The following RLF variants were observed in gnomAD, a reference collection of about 807,000 sequenced individuals.
The protein encoded by RLF is RLF zinc finger, also known as zinc finger protein Rlf.
RLF carries 7 observed loss-of-function variants against 162.9 expected under a neutral mutation model. That is an observed-to-expected ratio of 0.04 (90% CI 0.02 to 0.08). RLF has a LOEUF of 0.08. Among genes scored for constraint, RLF ranks in the 10% least tolerant of loss-of-function variants. The probability of loss-of-function intolerance (pLI) is 1.00; values close to 1 mark genes in which losing one functional copy is unlikely to be tolerated. For missense variants in RLF, 1,664 were observed against 2,244.7 expected (o/e 0.74, Z 5.23); for synonymous variants, 782 against 791.5 (o/e 0.99, Z 0.20).
intron 5 of RLF, among the ~76,000 whole-genome samples, chr1:40,209,979 C>G (rs1264741516): frequency 6.6e-6 from 1 of 151,654 alleles, no homozygotes; most frequent in Non-Finnish European, 1.5e-5. Flanking sequence ...GATTGCTTAC[C>G]TCTAATAGCA....
rs1643215149 is a variant in RLF, at chr1:40,236,176, G to C, written c.1474G>C (p.Asp492His). 6.2e-7 allele frequency: 1 copy of C among 1,613,650 alleles called. No homozygotes were observed. Among genetic ancestry groups the C allele is most frequent in the Non-Finnish European group, 8.5e-7 (1 of 1,179,908 alleles). ...LLGQEASDSD[D>H]DLSGYEMSIN... ...AGGACAAGAAGCCTCAGATTCTGAT[G>C]ATGATTTAAGTGGCTATGAAATGTC... is the stretch of plus-strand genomic sequence containing the variant. Residue 492 changes from aspartate to histidine, a missense_variant, in exon 8 of 8, where the codon GAT becomes CAT. Around this residue, in one of 15 missense-constraint regions of RLF, gnomAD observed 54 missense variants for 71.7 expected, o/e 0.75. Transcript: ENST00000372771. The surrounding 1 kb of genome is among the most constrained non-coding windows in gnomAD (Gnocchi z 7.7).
intron 5 of RLF, among the ~76,000 whole-genome samples, chr1:40,217,752 A>G (rs1014942241): frequency 6.6e-6 from 1 of 152,180 alleles, no homozygotes; most frequent in Non-Finnish European, 1.5e-5. Flanking sequence ...AGCCTGGGCA[A>G]CAGAGCAATC....
intron 1 of RLF, among the ~76,000 whole-genome samples, chr1:40,177,572 C>T (rs576589609): frequency 6.1e-4 from 92 of 152,064 alleles, no homozygotes; most frequent in Non-Finnish European, 9.4e-4. Context: ...GGATTACAGG[C>T]GTGAGCCACT....
At chr1:40,217,508 A>G (rs1642939934) in intron 5 of RLF, among the ~76,000 whole-genome samples, 2 of 151,834 alleles carry the variant, frequency 1.3e-5, no homozygotes, top group Non-Finnish European at 2.9e-5. Context: ...GCAGTGGCTC[A>G]CTCCAGTAAT....
intron 3 of RLF, among the ~76,000 whole-genome samples, chr1:40,193,127 C>CAAAAAA (rs76035508): frequency 3.1e-5 from 2 of 65,164 alleles, no homozygotes; most frequent in Non-Finnish European, 6.4e-5. Flanking sequence ...GTGGTCTTAG[C>CAAAAAA]AAAAAAAAAA....
chr1:40,224,843 C>T (rs1361318186), intron 6 of RLF, among the ~76,000 whole-genome samples: 6 of 151,010 alleles, frequency 4.0e-5, no homozygotes, highest in Admixed American at 6.6e-5. Flanking sequence ...AAAAATTAGC[C>T]GGGCATTTTG....
intron 3 of RLF, among the ~76,000 whole-genome samples, chr1:40,191,913 C>A (rs1642565292): frequency 6.6e-6 from 1 of 152,168 alleles, no homozygotes; most frequent in Non-Finnish European, 1.5e-5. Flanking sequence ...TTAGCTTGGA[C>A]AAAGTTACAC....
chr1:40,188,904 A>G, intron 1 of RLF, 151 bp from the exon 2 acceptor site: 1 of 485,030 alleles, frequency 2.1e-6, no homozygotes, highest in South Asian at 3.6e-5. Context: ...TGAAAATAGA[A>G]GCTTCTAAAC....
intron 1 of RLF, among the ~76,000 whole-genome samples, chr1:40,163,438 A>G (rs1369582587): frequency 6.6e-6 from 1 of 152,230 alleles, no homozygotes; most frequent in Non-Finnish European, 1.5e-5. Flanking sequence ...GAAGCTTGTC[A>G]AAGGATCACA....
chr1:40,198,301 C>CTTTTTT (rs34816285), intron 4 of RLF, among the ~76,000 whole-genome samples: 6 of 123,806 alleles, frequency 4.8e-5, no homozygotes, highest in Non-Finnish European at 8.2e-5. Context: ...CGCCCGGCCT[C>CTTTTTT]TTTTTTTTTT....
chr1:40,225,051 C>A (rs1407522188), intron 6 of RLF, among the ~76,000 whole-genome samples: 1 of 151,864 alleles, frequency 6.6e-6, no homozygotes, highest in Admixed American at 6.6e-5. Context: ...TGAGATAGAT[C>A]TTTTGTTATG....
At chr1:40,233,954 T>C (rs778559671) in intron 7 of RLF, among the ~76,000 whole-genome samples, 4 of 152,160 alleles carry the variant, frequency 2.6e-5, no homozygotes, top group Non-Finnish European at 5.9e-5. Context: ...AGGCCAAATA[T>C]CTTCTTTTTT....
At chr1:40,184,494 G>A (rs1449549221) in intron 1 of RLF, among the ~76,000 whole-genome samples, 1 of 152,224 alleles carries the variant, frequency 6.6e-6, no homozygotes, top group Non-Finnish European at 1.5e-5. Flanking sequence ...CTGAAAGGAG[G>A]CAGATGGAAC....
rs1369201970 is a variant in RLF at position 40,240,391 on chromosome 1, A to G, written c.5689A>G (p.Ile1897Val). The G allele has an allele frequency of 6.2e-7, 1 of 1,613,992 alleles. No individual in the cohort carries two copies. Residue 1897 changes from isoleucine to valine, a missense_variant, in exon 8 of 8, where the codon ATT becomes GTT. Physicochemically the swap from Ile to Val is conservative, Grantham distance 29. Around this residue, in one of 15 missense-constraint regions of RLF, gnomAD observed 27 missense variants for 52.5 expected, o/e 0.51. Coordinates refer to ENST00000372771, the MANE Select transcript of RLF (RefSeq NM_012421.4). ...VLERSKFSTP[I>V]LDLFPTKKTD... ...TGAAAGATCTAAGTTTTCCACACCAATTTTAGACTTATTTCCAACAAAAAA... is the reference window on the plus strand; with the variant it reads ...TGAAAGATCTAAGTTTTCCACACCAGTTTTAGACTTATTTCCAACAAAAAA...
chr1:40,188,292 A>G (rs996115872), intron 1 of RLF, among the ~76,000 whole-genome samples: 1 of 152,198 alleles, frequency 6.6e-6, no homozygotes, highest in Non-Finnish European at 1.5e-5. Flanking sequence ...ATTTTTAGTG[A>G]TAGGACACAT....
At position 40,239,481 on chromosome 1, in the gene RLF, G is replaced by T. The variant is rs746451103; in HGVS notation, c.4779G>T (p.Lys1593Asn). 48 of 1,613,878 alleles carry T rather than the reference G, an allele frequency of 3.0e-5. No homozygotes were observed. The highest frequency in any genetic ancestry group is 3.6e-5 in the Non-Finnish European group (42 of 1,180,046). The change falls in exon 8 of 8, where the codon AAG (lysine) becomes AAT (asparagine). Residue 1593 changes from lysine to asparagine, a missense_variant. Physicochemically the swap from Lys to Asn is moderately conservative, Grantham distance 94. This residue lies in a region of RLF where 327 missense variants were observed against 342.7 expected (regional missense o/e 0.95). Coordinates refer to ENST00000372771, the MANE Select transcript of RLF (RefSeq NM_012421.4). ...QQMENLVVCVKYGTKIKEEPP... is the reference protein window; with the variant it reads ...QQMENLVVCVNYGTKIKEEPP... The stretch of plus-strand genomic sequence containing the variant: ...TGGAGAATCTTGTTGTTTGCGTTAA[G>T]TACGGTACCAAAATTAAGGAGGAAC...
chr1:40,237,780 T>A lies in RLF; in HGVS notation c.3078T>A (p.Gly1026=). The A allele has an allele frequency of 1.9e-6, 3 of 1,614,058 alleles. No individual in the cohort carries two copies. The highest frequency in any genetic ancestry group is 2.5e-6 in the Non-Finnish European group (3 of 1,180,002). The part of the protein sequence containing the change: ...SDTNSDSPDE[G]LDHNIHIKCK... The stretch of plus-strand genomic sequence containing the variant: ...CAAACAGTGACTCCCCAGATGAAGG[T>A]CTAGATCACAATATTCACATTAAAT... Residue 1026 remains glycine (G), a synonymous_variant, in exon 8 of 8, where the codon GGT becomes GGA. Transcript: ENST00000372771. This position sits in a 1 kb window ranked among gnomAD's most constrained non-coding sequence, Gnocchi z 4.4.
chr1:40,198,610 T>C (rs1238138619), intron 4 of RLF, among the ~76,000 whole-genome samples: 1 of 152,204 alleles, frequency 6.6e-6, no homozygotes, highest in Non-Finnish European at 1.5e-5. Flanking sequence ...AGAGCTGTTT[T>C]TCAACTGGAT....
At position 40,187,041 on chromosome 1, in the gene RLF, G is replaced by GT. The variant is rs964361830; in HGVS notation, c.238-2003dup. Among the ~76,000 whole-genome samples, 526 of 145,806 alleles carry GT rather than the reference G, an allele frequency of 3.6e-3. 2 individuals are homozygous for GT. The highest frequency in any genetic ancestry group is 0.021 in the East Asian group (106 of 5,056). On this transcript the variant is annotated intron_variant, in intron 1 of 7. Transcript: ENST00000372771. The stretch of plus-strand genomic sequence containing the variant: ...AAATTTCTTTGTTTTTTGTTTTTTG[G>GT]TTTTTTTTTTTGAGACAGTCTTGCT...
Sources: gnomAD v4.1 joint callset for allele counts (sites outside exome capture counted in the v4.1 genomes callset) on GRCh38, gnomAD v4.1.1 for gene constraint, gnomAD v4.1.1 regional missense constraint, Gnocchi (gnomAD v3.1) non-coding constraint, MANE v1.5 for transcripts, NCBI Gene and HGNC (gene_info 2026-07-23, HGNC 2026-07-21) for gene names.